The following RORA variants were observed in gnomAD, a reference collection of about 807,000 sequenced individuals.
RORA encodes the protein nuclear receptor ROR-alpha.
In RORA, 7 loss-of-function variants were observed where a neutral mutation model predicts 69.5. The observed-to-expected ratio is 0.10, with a 90% CI of 0.06 to 0.19. RORA has a LOEUF of 0.19. Among genes scored for constraint, RORA ranks in the 10% least tolerant of loss-of-function variants. The probability of loss-of-function intolerance (pLI) is 1.00; values close to 1 mark genes in which losing one functional copy is unlikely to be tolerated. For synonymous variants in RORA, 261 were observed against 240.8 expected, an observed-to-expected ratio of 1.08 and a Z score of -0.78; for missense variants, 457 against 663.0, an observed-to-expected ratio of 0.69 and a Z score of 3.41.
chr15:60,688,125 A>G (rs2070773414), intron 1 of RORA, among the ~76,000 whole-genome samples: 1 of 152,218 alleles, frequency 6.6e-6, no homozygotes, highest in South Asian at 2.1e-4. Context: ...AAAGCATGAT[A>G]TGTTTACCAA....
chr15:60,992,738 T>C (rs921514975), intron 1 of RORA, among the ~76,000 whole-genome samples: 15 of 152,226 alleles, frequency 9.9e-5, no homozygotes, highest in African/African-American at 3.1e-4. Flanking sequence ...GAAGGATGTA[T>C]ATCTGGAAAT....
intron 1 of RORA, among the ~76,000 whole-genome samples, chr15:60,997,033 T>C (rs1477866572): frequency 7.0e-6 from 1 of 142,320 alleles, no homozygotes; most frequent in Admixed American, 7.0e-5. Context: ...GAGATGATAT[T>C]GGGGTTTGTG....
At chr15:61,176,906 G>C (rs1303069860) in intron 1 of RORA, among the ~76,000 whole-genome samples, 1 of 152,136 alleles carries the variant, frequency 6.6e-6, no homozygotes, top group Non-Finnish European at 1.5e-5. Context: ...TATATGTCCT[G>C]ACTTCAAATT....
rs541620306 is a variant in RORA, at chr15:61,106,283, T to C, written c.166+122770A>G. Among the ~76,000 whole-genome samples, 81 of 152,334 alleles carry C rather than the reference T, an allele frequency of 5.3e-4. 1 individual carries two copies. In the South Asian group the frequency reaches 0.016, roughly 30 times the overall value. ...GGCCTTTCCCACAAGGTATTAATAG[T>C]ATAGCCAGACAGGAAAGAATTGCCT... On this transcript the variant is annotated intron_variant, in intron 1 of 10. Coordinates refer to ENST00000335670, the MANE Select transcript of RORA (RefSeq NM_134261.3).
At chr15:61,138,437 T>C (rs111916160) in intron 1 of RORA, among the ~76,000 whole-genome samples, 2 of 152,312 alleles carry the variant, frequency 1.3e-5, no homozygotes, top group African/African-American at 4.8e-5. Context: ...GTGCTTCATG[T>C]TGGCCGTCAT....
intron 1 of RORA, among the ~76,000 whole-genome samples, chr15:60,687,929 C>G (rs2070771267): frequency 6.6e-6 from 1 of 152,214 alleles, no homozygotes; most frequent in Non-Finnish European, 1.5e-5. Context: ...GCAAGATACT[C>G]TCTCCGATCC....
intron 2 of RORA, among the ~76,000 whole-genome samples, chr15:60,657,750 A>C (rs1199447244): frequency 2.0e-5 from 3 of 152,270 alleles, no homozygotes; most frequent in African/African-American, 7.2e-5. Context: ...AAATGAGTTT[A>C]TAAAATCCTA....
At chr15:61,113,850 G>A (rs896409275) in intron 1 of RORA, among the ~76,000 whole-genome samples, 8 of 152,160 alleles carry the variant, frequency 5.3e-5, no homozygotes, top group African/African-American at 1.7e-4. Flanking sequence ...CCTTGTTATC[G>A]TGGTAAATTG....
chr15:60,776,747 G>C (rs2072173150), intron 1 of RORA, among the ~76,000 whole-genome samples: 1 of 152,108 alleles, frequency 6.6e-6, no homozygotes, highest in African/African-American at 2.4e-5. Context: ...TCTAAACCAA[G>C]GACTGTCTAG....
At chr15:61,143,805 A>G (rs1010604839) in intron 1 of RORA, among the ~76,000 whole-genome samples, 3 of 152,202 alleles carry the variant, frequency 2.0e-5, no homozygotes, top group Non-Finnish European at 4.4e-5. Context: ...AAAAATAAAG[A>G]TCTTAGCGGA....
chr15:60,838,231 T>C lies in RORA; in HGVS notation c.167-159545A>G, dbSNP rs980394046. On this transcript the variant is annotated intron_variant, in intron 1 of 10. Coordinates refer to ENST00000335670, the MANE Select transcript of RORA (RefSeq NM_134261.3). ...CTGTTCCACACCAGACCTTAGAGTC[T>C]GCTTTATCTACCAACAACCCTAGAA... Among the ~76,000 whole-genome samples the C allele has an allele frequency of 3.9e-5, 6 of 152,110 alleles. No homozygotes were observed. The South Asian group carries it at 1.0e-3, about 26-fold the overall frequency.
chr15:60,590,802 G>A (rs1025823707), intron 2 of RORA, among the ~76,000 whole-genome samples: 1 of 152,080 alleles, frequency 6.6e-6, no homozygotes, highest in African/African-American at 2.4e-5. Flanking sequence ...CGGATCACGG[G>A]AGGTTTCCTC....
chr15:61,034,224 T>C lies in RORA; in HGVS notation c.166+194829A>G, dbSNP rs545703613. On this transcript the variant is annotated intron_variant, in intron 1 of 10. Transcript: ENST00000335670. ...TTGAAATTGCAGCTATATAAAATCC[T>C]TGATGGACTGAAACTAAGGGGGAAA... is the stretch of plus-strand genomic sequence containing the variant. Among the ~76,000 whole-genome samples, 11 of 152,270 alleles carry C rather than the reference T, an allele frequency of 7.2e-5. No individual in the cohort carries two copies. In the East Asian group the frequency reaches 7.7e-4, roughly 11 times the overall value.
chr15:60,547,414 C>T (rs1176966203), intron 2 of RORA, among the ~76,000 whole-genome samples: 1 of 151,472 alleles, frequency 6.6e-6, no homozygotes, highest in Non-Finnish European at 1.5e-5. Context: ...ACCTCCACCT[C>T]CCCCAGGGTT....
chr15:60,501,023 T>C lies in RORA; in HGVS notation c.1230A>G (p.Leu410=). The stretch of plus-strand genomic sequence containing the variant: ...CATCTTCAGTCAGGTGCATAGAACA[T>C]AAACTCTTTCCAAATTCAAACACAA... ...ISFVFEFGKS[L]CSMHLTEDEI... Residue 410 remains leucine (L), a synonymous_variant, in exon 9 of 11, where the codon TTA becomes TTG. Coordinates refer to ENST00000335670, the MANE Select transcript of RORA (RefSeq NM_134261.3). The C allele has an allele frequency of 6.2e-7, 1 of 1,611,362 alleles. No individual in the cohort carries two copies. Among genetic ancestry groups the C allele is most frequent in the Non-Finnish European group, 8.5e-7 (1 of 1,177,752 alleles).
rs528679883 is a variant in RORA, at chr15:61,208,973, T to C, written c.166+20080A>G. ...TATTCTCTGCTTGCGTTAGTACTTA[T>C]ATTTTTCGTTTTCTTGTCTTCTCAG... is the stretch of plus-strand genomic sequence containing the variant. On this transcript the variant is annotated intron_variant, in intron 1 of 10. Coordinates refer to ENST00000335670, the MANE Select transcript of RORA (RefSeq NM_134261.3). Among the ~76,000 whole-genome samples the C allele has an allele frequency of 5.3e-5, 8 of 152,372 alleles. 1 individual carries two copies. The highest frequency in any genetic ancestry group is 1.4e-4 in the African/African-American group (6 of 41,590).
At chr15:60,582,831 C>T (rs2068231545) in intron 2 of RORA, among the ~76,000 whole-genome samples, 1 of 152,206 alleles carries the variant, frequency 6.6e-6, no homozygotes. Flanking sequence ...TGTTCACCAT[C>T]AGTTGGGAAA....
intron 1 of RORA, among the ~76,000 whole-genome samples, chr15:60,733,836 C>G (rs536211255): frequency 6.6e-6 from 1 of 150,462 alleles, no homozygotes. Flanking sequence ...ATCAGTTGTT[C>G]CCAGTGGATG....
intron 1 of RORA, among the ~76,000 whole-genome samples, chr15:60,831,202 TC>T (rs2073037586): frequency 6.6e-6 from 1 of 152,230 alleles, no homozygotes. Flanking sequence ...CCTTTTCCAA[TC>T]CAGTCTTCTT....
Sources: allele counts gnomAD v4.1 joint callset (sites outside exome capture counted in the v4.1 genomes callset), GRCh38; gene constraint gnomAD v4.1.1; transcripts MANE v1.5; gene names NCBI Gene and HGNC (gene_info 2026-07-23, HGNC 2026-07-21).